The following ITGB5 variants were observed in gnomAD, a reference collection of about 807,000 sequenced individuals.
The protein encoded by ITGB5 is integrin beta-5.
In ITGB5, 38 loss-of-function variants were observed where a neutral mutation model predicts 84.8. That is an observed-to-expected ratio of 0.45 (90% CI 0.35 to 0.59). The LOEUF (loss-of-function observed/expected upper bound fraction) is 0.59, where lower values mean the gene tolerates loss of function less well. Ranked by LOEUF, ITGB5 falls within the 20% of genes least tolerant of loss-of-function variation. The probability of loss-of-function intolerance (pLI) is 0.01; values close to 1 mark genes in which losing one functional copy is unlikely to be tolerated. For synonymous variants in ITGB5, 393 were observed against 414.4 expected (o/e 0.95, Z 0.63); for missense variants, 905 against 1,034.5 (o/e 0.87, Z 1.72).
At chr3:124,837,380 T>C (rs1434217448) in intron 5 of ITGB5, among the ~76,000 whole-genome samples, 1 of 152,218 alleles carries the variant, frequency 6.6e-6, no homozygotes, top group Non-Finnish European at 1.5e-5. Flanking sequence ...GGTTCAATCA[T>C]AGGCTCTGGG....
intron 14 of ITGB5, 139 bp downstream of exon 14, chr3:124,764,252 G>A: frequency 1.2e-6 from 1 of 866,996 alleles, no homozygotes; most frequent in Non-Finnish European, 1.8e-6. Context: ...CTCCAGAACT[G>A]GGCACAGCGT....
rs71145488 is a variant in ITGB5, at chr3:124,806,424, A to ATTT, written c.1263+2595_1263+2597dup. 7.6e-4 allele frequency among the ~76,000 whole-genome samples: 55 copies of ATTT among 72,796 alleles called. 3 individuals are homozygous for ATTT. The highest frequency in any genetic ancestry group is 1.4e-3 in the Admixed American group (8 of 5,586). 47.8% of individuals were successfully genotyped at this position (72,796 alleles called of 152,430 possible). On this transcript the variant is annotated intron_variant, in intron 9 of 14. Transcript: ENST00000296181. The stretch of plus-strand genomic sequence containing the variant: ...TTTTTTGGTATTTCTGCCTCATTCC[A>ATTT]TTTTTTTTTTTTTTTTTTTTTTTTT...
At chr3:124,828,937 T>C (rs2107574834) in intron 5 of ITGB5, among the ~76,000 whole-genome samples, 1 of 152,344 alleles carries the variant, frequency 6.6e-6, no homozygotes, top group Non-Finnish European at 1.5e-5. Flanking sequence ...GCTTCCTTGT[T>C]TATAAGAGGG....
chr3:124,821,587 T>C, intron 5 of ITGB5, 113 bp from the exon 6 acceptor site: 1 of 1,149,446 alleles, frequency 8.7e-7, no homozygotes, highest in Non-Finnish European at 1.3e-6. Context: ...GGCATTCCCC[T>C]TGCCATGTGT....
intron 2 of ITGB5, chr3:124,863,408 T>C (rs902851161): frequency 6.6e-6 from 1 of 152,228 alleles, no homozygotes. Context: ...GATTTGTAGC[T>C]ATAGGTTCTT....
chr3:124,848,666 T>A, intron 3 of ITGB5, 108 bp from the exon 4 acceptor site: 1 of 1,221,908 alleles, frequency 8.2e-7, no homozygotes, highest in Non-Finnish European at 1.1e-6. Flanking sequence ...TCTTTAGTGA[T>A]TGTGTGCCTC....
intron 10 of ITGB5, among the ~76,000 whole-genome samples, chr3:124,778,741 C>T (rs939659857): frequency 2.0e-5 from 3 of 152,050 alleles, no homozygotes; most frequent in Non-Finnish European, 4.4e-5. Flanking sequence ...AGAAGAAAGT[C>T]GTGCAGGATG....
chr3:124,846,160 G>A (rs1366288165), intron 4 of ITGB5, among the ~76,000 whole-genome samples: 1 of 152,122 alleles, frequency 6.6e-6, no homozygotes, highest in East Asian at 1.9e-4. Context: ...GGATCTGGAG[G>A]GATTCAGAAG....
intron 1 of ITGB5, among the ~76,000 whole-genome samples, chr3:124,886,683 G>A (rs1188157478): frequency 6.6e-6 from 1 of 151,928 alleles, no homozygotes; most frequent in Non-Finnish European, 1.5e-5. Flanking sequence ...AGGCCGGCCA[G>A]CCTGTTTACA....
intron 9 of ITGB5, among the ~76,000 whole-genome samples, chr3:124,802,093 T>C (rs2064324473): frequency 6.6e-6 from 1 of 152,234 alleles, no homozygotes; most frequent in Admixed American, 6.5e-5. Context: ...GTGCCACACC[T>C]GGCTTTCCCA....
At chr3:124,859,489 T>C (rs2065267233) in intron 2 of ITGB5, 43 bp from the exon 3 acceptor site, 1 of 1,544,466 alleles carries the variant, frequency 6.5e-7, no homozygotes, top group Non-Finnish European at 8.9e-7. Context: ...GTGGTCAGGG[T>C]GTCTCCCGAA....
At chr3:124,836,321 G>A (rs2107586206) in intron 5 of ITGB5, among the ~76,000 whole-genome samples, 1 of 151,996 alleles carries the variant, frequency 6.6e-6, no homozygotes. Context: ...TTCAAGACCA[G>A]CCTGGCCAAC....
chr3:124,764,480 G>T lies in ITGB5; in HGVS notation c.2215C>A (p.Leu739Met). The T allele has an allele frequency of 1.2e-6, 2 of 1,614,088 alleles. No homozygotes were observed. The highest frequency in any genetic ancestry group is 1.7e-6 in the Non-Finnish European group (2 of 1,180,006). The change falls in exon 14 of 15, where the codon CTG (leucine) becomes ATG (methionine). Residue 739 changes from leucine to methionine, a missense_variant. Transcript: ENST00000296181. ...GSILLVGLAL[L>M]AIWKLLVTIH... ...GTGACAAGCAGCTTCCAGATAGCCA[G>T]GAGTGCAAGCCCAACAAGGAGGATG...
intron 5 of ITGB5, among the ~76,000 whole-genome samples, chr3:124,835,181 A>G (rs1358532344): frequency 6.6e-6 from 1 of 150,590 alleles, no homozygotes. Context: ...CCTGTTCACG[A>G]TACTGAGTTA....
intron 11 of ITGB5, among the ~76,000 whole-genome samples, chr3:124,772,741 CATGGCCGAGTCAGCG>C (rs1207723255): frequency 6.6e-6 from 1 of 152,300 alleles, no homozygotes; most frequent in African/African-American, 2.4e-5. Context: ...TATGGGAGGC[CATGGCCGAGTCAGCG>C]AAGGCTGGGG....
At chr3:124,819,658 C>G in intron 7 of ITGB5, 81 bp downstream of exon 7, 1 of 995,756 alleles carries the variant, frequency 1.0e-6, no homozygotes, top group Non-Finnish European at 1.6e-6. Flanking sequence ...TTTGAATTTC[C>G]CCCAGATAGG....
At chr3:124,813,513 A>G (rs1432696458) in intron 8 of ITGB5, among the ~76,000 whole-genome samples, 3 of 152,222 alleles carry the variant, frequency 2.0e-5, no homozygotes, top group Non-Finnish European at 1.5e-5. Context: ...CTGATCGGCT[A>G]TAAATTCAAA....
chr3:124,854,389 ATATAG>A (rs2107611507), intron 3 of ITGB5, among the ~76,000 whole-genome samples: 1 of 152,348 alleles, frequency 6.6e-6, no homozygotes, highest in Non-Finnish European at 1.5e-5. Flanking sequence ...ATAAACTAAA[ATATAG>A]TATATCTATA....
intron 1 of ITGB5, chr3:124,894,570 A>G (rs927865335): frequency 2.0e-5 from 3 of 152,156 alleles, no homozygotes; most frequent in African/African-American, 4.8e-5. Context: ...CTTTCTCTAA[A>G]TGCCCTCTTT....
Sources: allele counts gnomAD v4.1 joint callset (sites outside exome capture counted in the v4.1 genomes callset), GRCh38; gene constraint gnomAD v4.1.1; transcripts MANE v1.5; gene names NCBI Gene and HGNC (gene_info 2026-07-23, HGNC 2026-07-21).